CHRM3: variants seen among roughly 807,000 people sequenced by gnomAD.
CHRM3 encodes the protein muscarinic acetylcholine receptor M3.
A neutral mutation model predicts 41.8 loss-of-function variants in CHRM3; 11 were observed. That is an observed-to-expected ratio of 0.26 (90% CI 0.17 to 0.44). The LOEUF is 0.44. Among genes scored for constraint, CHRM3 ranks in the 20% least tolerant of loss-of-function variants. The probability of loss-of-function intolerance (pLI) is 1.00; values close to 1 mark genes in which losing one functional copy is unlikely to be tolerated. For synonymous variants in CHRM3, 297 were observed against 301.4 expected (o/e 0.99, Z 0.15); for missense variants, 571 against 745.4 (o/e 0.77, Z 2.72).
intron 6 of CHRM3, among the ~76,000 whole-genome samples, chr1:239,902,844 C>G (rs1679684357): frequency 6.6e-6 from 1 of 152,178 alleles, no homozygotes; most frequent in African/African-American, 2.4e-5. Flanking sequence ...AGTCATTTCC[C>G]TCTAATGGTT....
At chr1:239,841,130 T>C (rs1450748059) in intron 6 of CHRM3, among the ~76,000 whole-genome samples, 1 of 152,240 alleles carries the variant, frequency 6.6e-6, no homozygotes, top group Non-Finnish European at 1.5e-5. Context: ...AGGGAGAACA[T>C]GTTTTGTTGC....
chr1:239,781,118 A>G (rs1668479329), intron 5 of CHRM3, among the ~76,000 whole-genome samples: 1 of 152,130 alleles, frequency 6.6e-6, no homozygotes, highest in African/African-American at 2.4e-5. Context: ...AAACTTTAAA[A>G]TCATTTTGCC....
intron 1 of CHRM3, among the ~76,000 whole-genome samples, chr1:239,404,050 A>C (rs1188429457): frequency 2.1e-5 from 3 of 141,686 alleles, no homozygotes; most frequent in Non-Finnish European, 4.5e-5. Context: ...TAATCCCAGC[A>C]CTTTGGGAGG....
At chr1:239,893,695 A>G (rs1678738527) in intron 6 of CHRM3, among the ~76,000 whole-genome samples, 1 of 151,180 alleles carries the variant, frequency 6.6e-6, no homozygotes, top group Admixed American at 6.6e-5. Context: ...AAAATCTGCA[A>G]TGCCCTGAGG....
chr1:239,759,157 G>GTTTTTTTTTTTGT (rs748856571), intron 5 of CHRM3, among the ~76,000 whole-genome samples: 1 of 121,640 alleles, frequency 8.2e-6, no homozygotes, highest in Non-Finnish European at 1.7e-5. Flanking sequence ...AGCTTTATGG[G>GTTTTTTTTTTTGT]TTTTTTTTTT....
chr1:239,836,088 G>A (rs1673293664), intron 6 of CHRM3, among the ~76,000 whole-genome samples: 1 of 152,262 alleles, frequency 6.6e-6, no homozygotes, highest in Admixed American at 6.5e-5. Context: ...ATCACCTGGT[G>A]TGACCTCTTG....
intron 3 of CHRM3, among the ~76,000 whole-genome samples, chr1:239,600,728 C>T (rs1399494378): frequency 1.3e-5 from 2 of 150,556 alleles, no homozygotes; most frequent in Non-Finnish European, 3.0e-5. Flanking sequence ...TTCCTTCTTC[C>T]CTCCCTCCTT....
At chr1:239,758,906 A>G (rs551373335) in intron 5 of CHRM3, among the ~76,000 whole-genome samples, 1 of 152,322 alleles carries the variant, frequency 6.6e-6, no homozygotes, top group African/African-American at 2.4e-5. Context: ...TGCGATTTCT[A>G]ATCCTCATGC....
At chr1:239,449,526 C>T (rs1291730963) in intron 1 of CHRM3, among the ~76,000 whole-genome samples, 2 of 152,108 alleles carry the variant, frequency 1.3e-5, no homozygotes, top group Non-Finnish European at 2.9e-5. Flanking sequence ...ATTTTTTATA[C>T]TCTATTCCAC....
chr1:239,696,012 T>G (rs1347439786), intron 5 of CHRM3, among the ~76,000 whole-genome samples: 2 of 152,210 alleles, frequency 1.3e-5, no homozygotes, highest in Non-Finnish European at 2.9e-5. Flanking sequence ...TTTTCATGTA[T>G]GTACTGACAT....
intron 5 of CHRM3, among the ~76,000 whole-genome samples, chr1:239,698,853 C>T (rs1313291178): frequency 6.6e-6 from 1 of 152,150 alleles, no homozygotes; most frequent in East Asian, 1.9e-4. Context: ...CTCACAGACC[C>T]ACTTGCACTT....
At chr1:239,418,584 T>A (rs891509465) in intron 1 of CHRM3, among the ~76,000 whole-genome samples, 2 of 152,224 alleles carry the variant, frequency 1.3e-5, no homozygotes, top group Non-Finnish European at 2.9e-5. Context: ...GAAATTTTTT[T>A]AATAGTTTTC....
At chr1:239,566,999 A>G (rs1037747938) in intron 3 of CHRM3, among the ~76,000 whole-genome samples, 3 of 152,224 alleles carry the variant, frequency 2.0e-5, no homozygotes, top group African/African-American at 7.2e-5. Context: ...TAAGAAAACC[A>G]TCATTGTGTT....
intron 3 of CHRM3, among the ~76,000 whole-genome samples, chr1:239,578,603 A>C (rs1420984346): frequency 1.3e-5 from 2 of 152,318 alleles, no homozygotes; most frequent in Middle Eastern, 3.4e-3. Context: ...ACTATTTTGA[A>C]GATGACCTAA....
At chr1:239,540,078 A>G (rs1354026049) in intron 2 of CHRM3, among the ~76,000 whole-genome samples, 1 of 152,202 alleles carries the variant, frequency 6.6e-6, no homozygotes, top group Non-Finnish European at 1.5e-5. Context: ...GTACCAGGCT[A>G]TGCCATCTAG....
chr1:239,811,611 AT>A lies in CHRM3; in HGVS notation c.-146-15639del, dbSNP rs1474079779. ...TCACCAGAATAGAATGAGGTAAAGCATTCTTATAAAGCAAAGTCTCTCTCTC... is the reference window on the plus strand; with the variant it reads ...TCACCAGAATAGAATGAGGTAAAGCATCTTATAAAGCAAAGTCTCTCTCTC... On this transcript the variant is annotated intron_variant, in intron 5 of 6. Transcript: ENST00000676153. Among the ~76,000 whole-genome samples the A allele has an allele frequency of 5.3e-5, 8 of 152,226 alleles. No homozygotes were observed. In the East Asian group the frequency reaches 1.5e-3, roughly 29 times the overall value.
chr1:239,514,592 CTG>C (rs1221785605), intron 2 of CHRM3, among the ~76,000 whole-genome samples: 1 of 152,046 alleles, frequency 6.6e-6, no homozygotes, highest in Non-Finnish European at 1.5e-5. Flanking sequence ...GCTTATCAAT[CTG>C]TATGCCTTTT....
intron 1 of CHRM3, among the ~76,000 whole-genome samples, chr1:239,404,385 A>AAAG (rs1660298604): frequency 1.2e-5 from 1 of 82,034 alleles, no homozygotes; most frequent in African/African-American, 5.1e-5. Flanking sequence ...AGAAAGAAAG[A>AAAG]AAGAAAGAAA....
chr1:239,554,433 A>T lies in CHRM3; in HGVS notation c.-313+8684A>T, dbSNP rs1660149664. 2.0e-5 allele frequency among the ~76,000 whole-genome samples: 3 copies of T among 151,792 alleles called. No homozygotes were observed. In the South Asian group the frequency reaches 6.2e-4, roughly 32 times the overall value. ...GCTGTTAGAGGTGGGTAGGGGCAGG[A>T]TGTGTGGAAAGGCATAGAATGTGTG... On this transcript the variant is annotated intron_variant, in intron 3 of 6. Coordinates refer to ENST00000676153, the MANE Select transcript of CHRM3 (RefSeq NM_001375978.1).
Sources: allele counts gnomAD v4.1 joint callset (sites outside exome capture counted in the v4.1 genomes callset), GRCh38; gene constraint gnomAD v4.1.1; transcripts MANE v1.5; gene names NCBI Gene and HGNC (gene_info 2026-07-23, HGNC 2026-07-21).